UGT1A8: variants seen among roughly 807,000 people sequenced by gnomAD.
The protein encoded by UGT1A8 is UDP glucuronosyltransferase family 1 member A8.
Under a neutral mutation model 45.3 loss-of-function variants are expected in UGT1A8, and 39 were observed. The observed-to-expected ratio is 0.86, with a 90% CI of 0.67 to 1.12. The LOEUF is 1.12. Among genes scored for constraint, UGT1A8 ranks in the 50% most tolerant of loss-of-function variants. UGT1A8 has a pLI of 0.00. For synonymous variants in UGT1A8, 275 were observed against 249.2 expected (o/e 1.10, Z -0.97); for missense variants, 719 against 664.9 (o/e 1.08, Z -0.90).
Position 233,713,465 on chromosome 2 carries a change from G to A in UGT1A8, c.856-53569G>A, listed in dbSNP as rs147117995. On this transcript the variant is annotated intron_variant, in intron 1 of 4. Coordinates refer to ENST00000373450, the MANE Select transcript of UGT1A8 (RefSeq NM_019076.5). ...TAACAGACCCCTTTCACCTCTGCGC[G>A]GCGGTGCTGGCTAAGTACCTGTCGA... is the stretch of plus-strand genomic sequence containing the variant. 2.5e-4 allele frequency: 400 copies of A among 1,613,916 alleles called. 3 individuals carry two copies. The East Asian group carries it at 5.4e-3, about 22-fold the overall frequency.
At chr2:233,738,315 GTGAA>G (rs1690761880) in intron 1 of UGT1A8, among the ~76,000 whole-genome samples, 1 of 152,192 alleles carries the variant, frequency 6.6e-6, no homozygotes, top group African/African-American at 2.4e-5. Context: ...ATAGCAGTGT[GTGAA>G]TGGACTAATA....
intron 1 of UGT1A8, chr2:233,672,495 T>G (rs776267881): frequency 7.4e-6 from 12 of 1,613,830 alleles, no homozygotes; most frequent in Non-Finnish European, 9.3e-6. Context: ...CTGCTCCTCT[T>G]TCCTATGTCC....
intron 1 of UGT1A8, among the ~76,000 whole-genome samples, chr2:233,642,618 A>C (rs1221448536): frequency 6.6e-6 from 1 of 152,142 alleles, no homozygotes. Context: ...TTAGGTGTTT[A>C]TTGTAGTCTT....
At chr2:233,747,164 A>C (rs559745186) in intron 1 of UGT1A8, 19 of 1,590,218 alleles carry the variant, frequency 1.2e-5, no homozygotes, top group Non-Finnish European at 1.6e-5. Context: ...AAACAAATGT[A>C]GGAGGCACAG....
chr2:233,622,508 TG>T (rs1214279171), intron 1 of UGT1A8, among the ~76,000 whole-genome samples: 1 of 152,228 alleles, frequency 6.6e-6, no homozygotes, highest in Non-Finnish European at 1.5e-5. Flanking sequence ...TTCATATGTC[TG>T]TTGGCTGCAT....
At chr2:233,651,499 T>A (rs2073740879) in intron 1 of UGT1A8, among the ~76,000 whole-genome samples, 1 of 152,194 alleles carries the variant, frequency 6.6e-6, no homozygotes, top group South Asian at 2.1e-4. Flanking sequence ...AAAGTTATAT[T>A]TTTTGCATAT....
intron 1 of UGT1A8, among the ~76,000 whole-genome samples, chr2:233,674,214 G>A (rs1326960258): frequency 1.3e-5 from 2 of 152,226 alleles, no homozygotes; most frequent in East Asian, 3.9e-4. Flanking sequence ...TGACTGTTCA[G>A]CCAACTCATG....
intron 1 of UGT1A8, among the ~76,000 whole-genome samples, chr2:233,707,931 A>G (rs1386071034): frequency 6.6e-6 from 1 of 152,216 alleles, no homozygotes; most frequent in Non-Finnish European, 1.5e-5. Context: ...AAATATACTT[A>G]TCAGTCATTT....
At chr2:233,671,433 C>T (rs1032339966) in intron 1 of UGT1A8, among the ~76,000 whole-genome samples, 7 of 152,088 alleles carry the variant, frequency 4.6e-5, no homozygotes, top group Admixed American at 2.0e-4. Context: ...GAGACACAGG[C>T]GAGCCCCAAT....
In UGT1A8 at chr2:233,720,871, A is replaced by ATTTT. The variant is rs60621337; in HGVS notation, c.856-46147_856-46144dup. Among the ~76,000 whole-genome samples, 199 of 132,762 alleles carry ATTTT rather than the reference A, an allele frequency of 1.5e-3. 2 individuals carry two copies. Among genetic ancestry groups the ATTTT allele is most frequent in the African/African-American group, 3.9e-3 (137 of 34,978 alleles). 87.1% of individuals were successfully genotyped at this position (132,762 alleles called of 152,430 possible). On this transcript the variant is annotated intron_variant, in intron 1 of 4. Coordinates refer to ENST00000373450, the MANE Select transcript of UGT1A8 (RefSeq NM_019076.5). Reference sequence around the variant, plus strand: ...CAGGCATGTGCCACTGCTCCTGGCAATTTTTTTTTTTTTTTTTTTAGTAGA... The same window carrying ATTTT: ...CAGGCATGTGCCACTGCTCCTGGCAATTTTTTTTTTTTTTTTTTTTTTTAGTAGA...
intron 1 of UGT1A8, chr2:233,690,370 A>G (rs2125544798): frequency 1.1e-6 from 1 of 873,070 alleles, no homozygotes; most frequent in East Asian, 6.2e-5. Flanking sequence ...AAACCTCTCC[A>G]TAGGGTCCAC....
chr2:233,712,950 C>A (rs2076262788), intron 1 of UGT1A8: 1 of 1,612,726 alleles, frequency 6.2e-7, no homozygotes, highest in South Asian at 1.1e-5. Context: ...CTAGGAGGCA[C>A]AACGTGGGGT....
intron 1 of UGT1A8, among the ~76,000 whole-genome samples, chr2:233,762,832 A>C (rs1698176538): frequency 6.6e-6 from 1 of 152,202 alleles, no homozygotes; most frequent in Admixed American, 6.5e-5. Flanking sequence ...CATAATAAAA[A>C]ATAATAGGCA....
At chr2:233,631,415 C>A (rs2073183530) in intron 1 of UGT1A8, among the ~76,000 whole-genome samples, 1 of 152,202 alleles carries the variant, frequency 6.6e-6, no homozygotes, top group African/African-American at 2.4e-5. Context: ...AATCGCCACA[C>A]TGTCTTCCAC....
Position 233,769,695 on chromosome 2 carries a change from A to G in UGT1A8, c.1295+1256A>G, listed in dbSNP as rs1699919505. ...AATGTGTGTGTGGTGGCACTGGATA[A>G]AAGATCAATGTTGGCTAGGCACCAT... On this transcript the variant is annotated intron_variant, in intron 4 of 4. Transcript: ENST00000373450. The surrounding 1 kb of genome is among the most constrained non-coding windows in gnomAD (Gnocchi z 4.4). The G allele has an allele frequency of 6.5e-7, 1 of 1,540,004 alleles. No individual in the cohort carries two copies. Among genetic ancestry groups the G allele is most frequent in the South Asian group, 1.2e-5 (1 of 81,286 alleles).
chr2:233,682,059 T>C, intron 1 of UGT1A8: 1 of 1,614,110 alleles, frequency 6.2e-7, no homozygotes, highest in Non-Finnish European at 8.5e-7. Flanking sequence ...TGGTTCACCA[T>C]GCAGTCGGTG....
At chr2:233,681,530 CAAAA>C (rs747693860) in intron 1 of UGT1A8, among the ~76,000 whole-genome samples, 16 of 77,720 alleles carry the variant, frequency 2.1e-4, no homozygotes, top group African/African-American at 2.4e-4. Context: ...GACTCCATCT[CAAAA>C]AAAAAAAAAA....
At chr2:233,713,564 C>T in intron 1 of UGT1A8, 1 of 1,613,960 alleles carries the variant, frequency 6.2e-7, no homozygotes, top group South Asian at 1.1e-5. Flanking sequence ...CAAACCCTTC[C>T]TCCTATATTC....
At position 233,695,130 on chromosome 2, in the gene UGT1A8, C is replaced by CTTTCTTT. The variant is rs1364557158; in HGVS notation, c.856-71901_856-71900insCTTTTTT. ...GCCCATTAACCAACCCTTTTCTTTT[C>CTTTCTTT]TTTTTTTTTTTTTTGAGACAGAGTC... On this transcript the variant is annotated intron_variant, in intron 1 of 4. Transcript: ENST00000373450. Among the ~76,000 whole-genome samples the CTTTCTTT allele has an allele frequency of 8.6e-5, 12 of 138,836 alleles. 2 individuals are homozygous for CTTTCTTT. Among genetic ancestry groups the CTTTCTTT allele is most frequent in the Admixed American group, 1.4e-4 (2 of 14,118 alleles). 91.1% of individuals were successfully genotyped at this position (138,836 alleles called of 152,430 possible).
Sources: gnomAD v4.1 joint callset for allele counts (sites outside exome capture counted in the v4.1 genomes callset) on GRCh38, gnomAD v4.1.1 for gene constraint, Gnocchi (gnomAD v3.1) non-coding constraint, MANE v1.5 for transcripts, NCBI Gene and HGNC (gene_info 2026-07-23, HGNC 2026-07-21) for gene names.